CENPN: variants seen among roughly 807,000 people sequenced by gnomAD.
CENPN encodes the protein interphase centromere complex protein 32.
Under a neutral mutation model 48.6 loss-of-function variants are expected in CENPN, and 36 were observed. The observed-to-expected ratio is 0.74, with a 90% CI of 0.57 to 0.98. The LOEUF is 0.98. Ranked by LOEUF, CENPN falls within the 50% of genes least tolerant of loss-of-function variation. The pLI, the probability that CENPN is intolerant of heterozygous loss-of-function variation, is 0.00. For missense variants in CENPN, 439 were observed against 399.2 expected (o/e 1.10, Z -0.85); for synonymous variants, 166 against 135.2 (o/e 1.23, Z -1.58).
At chr16:81,007,749 C>T (rs539668651) in intron 1 of CENPN, among the ~76,000 whole-genome samples, 3 of 152,150 alleles carry the variant, frequency 2.0e-5, no homozygotes, top group Non-Finnish European at 2.9e-5. Flanking sequence ...TTTGATCATG[C>T]GTTCCACAGA....
intron 5 of CENPN, 87 bp from the exon 6 acceptor site, chr16:81,020,013 T>C (rs1567550930): frequency 8.5e-7 from 1 of 1,176,544 alleles, no homozygotes; most frequent in Non-Finnish European, 1.2e-6. Context: ...AGGGACATCA[T>C]TGTTCACCCC....
In CENPN at chr16:81,031,230, G is replaced by T. The variant is rs918872137; in HGVS notation, c.*2579G>T. ...GAACCTTTGAATTGGGCCAAATTGC[G>T]ATGACCACTGCATCCTGGAAAATTT... On this transcript the variant is annotated 3_prime_UTR_variant, in exon 11 of 11. Transcript: ENST00000305850. 13 of 150,198 alleles carry T rather than the reference G, an allele frequency of 8.7e-5. No individual in the cohort carries two copies. The highest frequency in any genetic ancestry group is 3.2e-4 in the African/African-American group (13 of 41,054). 9.3% of individuals were successfully genotyped at this position (150,198 alleles called of 1,614,324 possible).
intron 3 of CENPN, among the ~76,000 whole-genome samples, chr16:81,016,376 T>G (rs7195459): frequency 0.18 from 26,811 of 152,012 alleles, 2,557 homozygotes; most frequent in East Asian, 0.27. Context: ...GCCACGCAGT[T>G]AAGTTTAGAC....
chr16:81,012,800 G>C (rs112779689), intron 2 of CENPN, among the ~76,000 whole-genome samples: 13,497 of 152,118 alleles, frequency 0.089, 698 homozygotes, highest in East Asian at 0.16. Context: ...TTGCCATGTT[G>C]GCCAGGTTGG....
At chr16:81,011,608 T>A (rs1218059397) in intron 1 of CENPN, among the ~76,000 whole-genome samples, 1 of 152,142 alleles carries the variant, frequency 6.6e-6, no homozygotes, top group Non-Finnish European at 1.5e-5. Flanking sequence ...AAATATACAT[T>A]AAGGAGAAAA....
intron 3 of CENPN, among the ~76,000 whole-genome samples, chr16:81,015,293 G>T (rs1303973130): frequency 5.3e-5 from 8 of 152,152 alleles, no homozygotes; most frequent in South Asian, 2.1e-4. Context: ...AGGCCCTGGG[G>T]CCAGACCTCT....
intron 5 of CENPN, among the ~76,000 whole-genome samples, chr16:81,019,225 T>G (rs975382573): frequency 6.0e-5 from 9 of 150,518 alleles, no homozygotes; most frequent in African/African-American, 1.7e-4. Flanking sequence ...TTTGTTTTTG[T>G]TTTTTTTTGG....
intron 3 of CENPN, among the ~76,000 whole-genome samples, chr16:81,014,833 C>T (rs990112331): frequency 1.3e-5 from 2 of 152,220 alleles, no homozygotes; most frequent in Non-Finnish European, 2.9e-5. Context: ...AGTATGAAAG[C>T]AGCAGACATT....
chr16:81,029,182 T>G lies in CENPN; in HGVS notation c.*531T>G, dbSNP rs1477302615. On this transcript the variant is annotated 3_prime_UTR_variant, in exon 11 of 11. Transcript: ENST00000305850. ...TGTTATTGTTGCAAGAGGTTGCATA[T>G]TTGGTGAGTCAGTTATATAAAATAG... 4.0e-5 allele frequency: 39 copies of G among 976,456 alleles called. No homozygotes were observed. The highest frequency in any genetic ancestry group is 4.4e-5 in the Non-Finnish European group (36 of 821,888). The allele number at this position is 976,456 out of a possible 1,614,324, so 60.5% of individuals were successfully genotyped here. A position where few individuals can be genotyped will look rare whatever the true frequency, so the allele number is the denominator to read the frequency against.
chr16:81,019,643 G>A (rs747490956), intron 5 of CENPN, among the ~76,000 whole-genome samples: 3 of 151,818 alleles, frequency 2.0e-5, no homozygotes, highest in South Asian at 4.1e-4. Context: ...AAATTCTTAC[G>A]TAAGGAGGAA....
chr16:81,026,598 G>T lies in CENPN; in HGVS notation c.770G>T (p.Gly257Val). The change falls in exon 9 of 11, where the codon GGA (glycine) becomes GTA (valine). Residue 257 changes from glycine to valine, a missense_variant. Coordinates refer to ENST00000305850, the MANE Select transcript of CENPN (RefSeq NM_001100624.3). ...CAACGAATAACTCAAGAAACATTTG[G>T]AGATTATCCTCAACCACAACTAGAA... ...RVQRITQETF[G>V]DYPQPQLEFA... is the part of the protein sequence containing the mutation. 1 of 1,603,532 alleles carries T rather than the reference G, an allele frequency of 6.2e-7. No homozygotes were observed. The highest frequency in any genetic ancestry group is 1.1e-5 in the South Asian group (1 of 90,274).
Sources: gnomAD v4.1 joint callset for allele counts (sites outside exome capture counted in the v4.1 genomes callset) on GRCh38, gnomAD v4.1.1 for gene constraint, MANE v1.5 for transcripts, NCBI Gene and HGNC (gene_info 2026-07-23, HGNC 2026-07-21) for gene names.